Variants in ZNF735 observed in about 807,000 individuals in gnomAD.
ZNF735 encodes the protein zinc finger protein 735, also known as putative zinc finger protein 735.
Under a neutral mutation model 13.4 loss-of-function variants are expected in ZNF735, and 11 were observed. The observed-to-expected ratio is 0.82, with a 90% confidence interval of 0.52 to 1.36. The LOEUF (loss-of-function observed/expected upper bound fraction) is 1.36. Ranked by LOEUF, ZNF735 falls within the 40% of genes most tolerant of loss-of-function variation. ZNF735 has a pLI of 0.00. For missense variants in ZNF735, 500 were observed against 484.6 expected, an observed-to-expected ratio of 1.03 and a Z score of -0.30; for synonymous variants, 171 against 162.6, an observed-to-expected ratio of 1.05 and a Z score of -0.39.
chr7:64,211,987 C>T (rs1330122049), intron 1 of ZNF735, among the ~76,000 whole-genome samples: 1 of 151,628 alleles, frequency 6.6e-6, no homozygotes, highest in Middle Eastern at 3.2e-3. Flanking sequence ...GTTGTGTGTG[C>T]ATCAGCACAT....
At chr7:64,219,326 A>C (rs781405887) in exon 4 of ZNF735, 1 of 1,612,390 alleles carries the variant, frequency 6.2e-7, no homozygotes, top group Non-Finnish European at 8.5e-7. Flanking sequence ...ACATGTTCTC[A>C]TTTCAACCAA....
chr7:64,213,323 T>G (rs1787382692), intron 2 of ZNF735, 105 bp downstream of exon 2: 2 of 1,165,200 alleles, frequency 1.7e-6, no homozygotes, highest in Non-Finnish European at 2.4e-6. Context: ...AGCTCTCCGA[T>G]TTAAAGAAAA....
intron 3 of ZNF735, among the ~76,000 whole-genome samples, chr7:64,215,652 AT>A (rs35071441): frequency 0.045 from 6,554 of 144,120 alleles, 198 homozygotes; most frequent in East Asian, 0.17. Flanking sequence ...TAAGAGTTTC[AT>A]TTTTTTTTTT....
At chr7:64,207,620 C>T (rs150634354) in intron 1 of ZNF735, among the ~76,000 whole-genome samples, 1 of 152,154 alleles carries the variant, frequency 6.6e-6, no homozygotes, top group African/African-American at 2.4e-5. Flanking sequence ...GTCCCTAGTT[C>T]CTCATTTTTC....
chr7:64,210,094 C>G (rs1284103984), intron 1 of ZNF735, among the ~76,000 whole-genome samples: 7 of 152,136 alleles, frequency 4.6e-5, no homozygotes, highest in Admixed American at 1.3e-4. Context: ...CACTTAGTAC[C>G]AGCTCCCAGG....
At chr7:64,212,510 C>T (rs928530617) in intron 1 of ZNF735, among the ~76,000 whole-genome samples, 42 of 152,024 alleles carry the variant, frequency 2.8e-4, no homozygotes, top group African/African-American at 7.2e-4. Context: ...TAGACATGTC[C>T]GACCGGGTGA....
exon 4 of ZNF735, chr7:64,219,972 C>T (rs200430631): frequency 3.0e-5 from 48 of 1,613,608 alleles, no homozygotes; most frequent in African/African-American, 1.9e-4. Context: ...AAGCCTTTAG[C>T]GTATCCTCAG....
rs774728854 is a variant in ZNF735, at chr7:64,219,893, C to T, written c.842C>T (p.Ser281Phe). The T allele has an allele frequency of 4.3e-6, 7 of 1,613,144 alleles. No individual in the cohort carries two copies. The South Asian group carries it at 5.5e-5, about 13-fold the overall frequency. ...GAATGTGGCCAAGCCTTTAGGCGCT[C>T]CTCAACACTTACTAACCACAAGAGA... Residue 281 changes from serine to phenylalanine, a missense_variant, in exon 4 of 4, where the codon TCC (serine) becomes TTC (phenylalanine). Ser to Phe is a radical substitution (Grantham distance 155). Coordinates refer to ENST00000429565, the Ensembl canonical transcript of ZNF735.
At chr7:64,217,097 C>T (rs1206927951) in intron 3 of ZNF735, among the ~76,000 whole-genome samples, 1 of 152,102 alleles carries the variant, frequency 6.6e-6, no homozygotes, top group Non-Finnish European at 1.5e-5. Context: ...GGATGTGGGG[C>T]CTAATGAGAG....
intron 3 of ZNF735, 92 bp downstream of exon 3, chr7:64,214,200 G>C: frequency 1.5e-6 from 2 of 1,315,016 alleles, no homozygotes; most frequent in Non-Finnish European, 2.1e-6. Context: ...GCAGAGCTGT[G>C]CTTTTATGGA....
chr7:64,215,518 A>T (rs1787408987), intron 3 of ZNF735, among the ~76,000 whole-genome samples: 1 of 152,164 alleles, frequency 6.6e-6, no homozygotes, highest in Non-Finnish European at 1.5e-5. Context: ...ATTTGATTGC[A>T]GAAATTTTGA....
At chr7:64,208,244 GTTTTTTTTTTTTTT>G (rs71060562) in intron 1 of ZNF735, among the ~76,000 whole-genome samples, 9 of 93,092 alleles carry the variant, frequency 9.7e-5, no homozygotes, top group South Asian at 4.0e-4. Context: ...TCCAATAAAT[GTTTTTTTTTTTTTT>G]TTTTTTTTTT....
chr7:64,210,907 G>A (rs1360532293), intron 1 of ZNF735, among the ~76,000 whole-genome samples: 2 of 152,072 alleles, frequency 1.3e-5, no homozygotes, highest in South Asian at 2.1e-4. Flanking sequence ...TATGTCCAGA[G>A]CATCTTACCT....
exon 2 of ZNF735, chr7:64,213,130 TCTGGCGGAGTGGCAATGC>T: frequency 1.2e-6 from 2 of 1,613,148 alleles, no homozygotes; most frequent in Non-Finnish European, 8.5e-7. Context: ...TAGAATTCTC[TCTGGCGGAGTGGCAATGC>T]CTGGATCATG....
chr7:64,213,923 C>T, intron 2 of ZNF735, 90 bp from the exon 3 acceptor site: 1 of 1,229,548 alleles, frequency 8.1e-7, no homozygotes, highest in Non-Finnish European at 1.1e-6. Context: ...CATGCCACTG[C>T]ACTCCAGCCT....
In ZNF735 at chr7:64,209,977, G is replaced by A. The variant is rs183677509; in HGVS notation, c.39+2736G>A. On this transcript the variant is annotated intron_variant, in intron 1 of 3. Transcript: ENST00000429565. ...AATTTCATCATTTTGTATGTTTTTTGTATTGAATTATTATTCTATATATTT... is the reference window on the plus strand; with the variant it reads ...AATTTCATCATTTTGTATGTTTTTTATATTGAATTATTATTCTATATATTT... Among the ~76,000 whole-genome samples the A allele has an allele frequency of 2.2e-3, 328 of 151,912 alleles. 2 individuals are homozygous for A. The highest frequency in any genetic ancestry group is 3.8e-3 in the Non-Finnish European group (258 of 67,944).
At chr7:64,207,672 A>G (rs1469458040) in intron 1 of ZNF735, among the ~76,000 whole-genome samples, 1 of 152,102 alleles carries the variant, frequency 6.6e-6, no homozygotes, top group African/African-American at 2.4e-5. Flanking sequence ...ATATTAGAGA[A>G]TTTAATCAAA....
exon 4 of ZNF735, chr7:64,219,816 C>A: frequency 1.2e-6 from 2 of 1,612,698 alleles, no homozygotes; most frequent in Non-Finnish European, 1.7e-6. Flanking sequence ...GGCCCTCAAA[C>A]CTTACTAGAC....
At chr7:64,215,254 C>T (rs970838992) in intron 3 of ZNF735, among the ~76,000 whole-genome samples, 4 of 151,864 alleles carry the variant, frequency 2.6e-5, no homozygotes, top group African/African-American at 7.3e-5. Context: ...AGATGGGTTT[C>T]GCCATGTTGG....
Sources: allele counts gnomAD v4.1 joint callset (sites outside exome capture counted in the v4.1 genomes callset), GRCh38; gene constraint gnomAD v4.1.1; transcripts MANE v1.5; gene names NCBI Gene and HGNC (gene_info 2026-07-23, HGNC 2026-07-21).